CLASP1: variants seen among roughly 807,000 people sequenced by gnomAD.
CLASP1 encodes the protein cytoplasmic linker associated protein 1.
A neutral mutation model predicts 192.3 loss-of-function variants in CLASP1; 38 were observed. The ratio of observed to expected loss-of-function variants is 0.20; its 90% CI spans 0.15 to 0.26. The LOEUF is 0.26. Among genes scored for constraint, CLASP1 ranks in the 10% least tolerant of loss-of-function variants. The pLI, the probability that CLASP1 is intolerant of heterozygous loss-of-function variation, is 1.00. For missense variants in CLASP1, 1,433 were observed against 1,932.5 expected (o/e 0.74, Z 4.85); for synonymous variants, 691 against 712.8 (o/e 0.97, Z 0.49).
At chr2:121,508,409 CTATT>C (rs1227541065) in intron 7 of CLASP1, among the ~76,000 whole-genome samples, 2 of 152,144 alleles carry the variant, frequency 1.3e-5, no homozygotes, top group Non-Finnish European at 1.5e-5. Context: ...TAGAAAATAT[CTATT>C]TAACACAAAA....
At chr2:121,613,119 A>G (rs752123274) in intron 1 of CLASP1, among the ~76,000 whole-genome samples, 1 of 152,318 alleles carries the variant, frequency 6.6e-6, no homozygotes, top group South Asian at 2.1e-4. Context: ...AGGCTACTGA[A>G]CACACTAAAT....
chr2:121,429,316 C>T (rs1043423465), intron 20 of CLASP1, among the ~76,000 whole-genome samples: 2 of 152,162 alleles, frequency 1.3e-5, no homozygotes, highest in Non-Finnish European at 2.9e-5. Context: ...CATGCAGCTC[C>T]TGGGGACAGG....
At chr2:121,521,310 C>T (rs1330918259) in intron 6 of CLASP1, among the ~76,000 whole-genome samples, 1 of 152,142 alleles carries the variant, frequency 6.6e-6, no homozygotes, top group Non-Finnish European at 1.5e-5. Flanking sequence ...ATGGCACTCT[C>T]ACTGCTTACG....
intron 16 of CLASP1, 136 bp from the exon 17 acceptor site, chr2:121,449,256 G>A: frequency 1.5e-6 from 1 of 665,480 alleles, no homozygotes. Flanking sequence ...GGAGGAGAGG[G>A]TAAACAAAGG....
intron 34 of CLASP1, among the ~76,000 whole-genome samples, chr2:121,376,654 G>A (rs946494040): frequency 6.6e-6 from 1 of 152,202 alleles, no homozygotes; most frequent in South Asian, 2.1e-4. Context: ...GTATTGGTCT[G>A]TGGCCTGTTA....
In CLASP1 at chr2:121,647,457, T is replaced by A. The variant is rs2073379462; in HGVS notation, c.-286+1915A>T. The stretch of plus-strand genomic sequence containing the variant: ...ACAAACTTCATGTTCTTCTGGCCAA[T>A]CATTTCTCAACATCCCTGTCAAACT... On this transcript the variant is annotated intron_variant, in intron 1 of 39. Coordinates refer to ENST00000263710, the Ensembl canonical transcript of CLASP1. 2.6e-5 allele frequency among the ~76,000 whole-genome samples: 4 copies of A among 152,192 alleles called. No homozygotes were observed. In the South Asian group the frequency reaches 6.2e-4, roughly 24 times the overall value.
chr2:121,387,898 C>T, exon 31 of CLASP1: 1 of 1,609,652 alleles, frequency 6.2e-7, no homozygotes, highest in South Asian at 1.1e-5. Flanking sequence ...TTAGCACAAT[C>T]TGTGCTGCCT....
At chr2:121,504,012 C>T (rs1215707745) in intron 7 of CLASP1, 2 of 152,034 alleles carry the variant, frequency 1.3e-5, no homozygotes, top group Non-Finnish European at 2.9e-5. Context: ...AGGTGGATCG[C>T]CTGAGGTCAG....
At position 121,384,064 on chromosome 2, in the gene CLASP1, A is replaced by C. The variant is rs150537397; in HGVS notation, c.3375-1740T>G. Among the ~76,000 whole-genome samples the C allele has an allele frequency of 4.5e-3, 611 of 136,246 alleles. 26 individuals carry two copies. In the East Asian group the frequency reaches 0.092, roughly 21 times the overall value. The allele number at this position is 136,246 out of a possible 152,430, so 89.4% of individuals were successfully genotyped here. A position where few individuals can be genotyped will look rare whatever the true frequency, so the allele number is the denominator to read the frequency against. ...TGTATATATACACACATATATGTAT[A>C]TATACACACACACATATATATGTAT... is the stretch of plus-strand genomic sequence containing the variant. On this transcript the variant is annotated intron_variant, in intron 32 of 39. Transcript: ENST00000263710.
At chr2:121,567,142 C>T (rs2105363962) in intron 2 of CLASP1, among the ~76,000 whole-genome samples, 1 of 152,332 alleles carries the variant, frequency 6.6e-6, no homozygotes. Flanking sequence ...CCTAAAAGAG[C>T]TCTGCACAGG....
At chr2:121,554,822 T>C in intron 2 of CLASP1, among the ~76,000 whole-genome samples, 1 of 152,176 alleles carries the variant, frequency 6.6e-6, no homozygotes, top group African/African-American at 2.4e-5. Flanking sequence ...TCTGTAATTT[T>C]ACTAAAAATA....
At chr2:121,558,865 G>C (rs1281431492) in intron 2 of CLASP1, among the ~76,000 whole-genome samples, 4 of 152,204 alleles carry the variant, frequency 2.6e-5, no homozygotes, top group Non-Finnish European at 4.4e-5. Flanking sequence ...GAGCGAGCCA[G>C]ATTCTCTCAT....
chr2:121,514,210 GAA>G (rs1035863894), intron 7 of CLASP1, among the ~76,000 whole-genome samples: 6 of 152,334 alleles, frequency 3.9e-5, no homozygotes, highest in African/African-American at 1.4e-4. Context: ...TGTTAAGATG[GAA>G]ACTGTGTAAA....
chr2:121,469,808 C>T lies in CLASP1; in HGVS notation c.865G>A (p.Ala289Thr). Residue 289 changes from alanine (A) to threonine (T), a missense_variant and splice_region_variant, in exon 9 of 40, where the codon GCT (alanine) becomes ACT (threonine). Transcript: ENST00000263710. ...AACGCCACACAGGGCTTAGACTAAC[C>T]TGAAGACTTGGATCCAAGGGTGGAT... The T allele has an allele frequency of 2.5e-6, 4 of 1,611,076 alleles. No homozygotes were observed. Among genetic ancestry groups the T allele is most frequent in the Non-Finnish European group, 3.4e-6 (4 of 1,178,816 alleles).
intron 2 of CLASP1, among the ~76,000 whole-genome samples, chr2:121,531,845 C>T (rs902467253): frequency 2.7e-5 from 4 of 149,932 alleles, no homozygotes; most frequent in African/African-American, 7.5e-5. Flanking sequence ...TCCAGCCTGG[C>T]GACAGAGCAA....
At chr2:121,417,793 C>T (rs978186597) in intron 23 of CLASP1, among the ~76,000 whole-genome samples, 59 of 152,152 alleles carry the variant, frequency 3.9e-4, no homozygotes, top group African/African-American at 1.4e-3. Context: ...AATATTAAGA[C>T]CTTATGCTTT....
At chr2:121,402,463 T>C (rs1227159782) in intron 26 of CLASP1, 1 of 428,584 alleles carries the variant, frequency 2.3e-6, no homozygotes, top group Non-Finnish European at 4.6e-6. Context: ...GCCTCATTTC[T>C]AGCACAGCAA....
rs533957220 is a variant in CLASP1, at chr2:121,567,661, A to G, written c.196-37336T>C. Among the ~76,000 whole-genome samples the G allele has an allele frequency of 1.2e-4, 19 of 152,334 alleles. No homozygotes were observed. The East Asian group carries it at 3.5e-3, about 28-fold the overall frequency. Reference sequence around the variant, plus strand: ...CAGGGAATAGAATTTTTCTCCCTTTAACTCCCTGGCACATCTTATCTTCAC... The same window carrying G: ...CAGGGAATAGAATTTTTCTCCCTTTGACTCCCTGGCACATCTTATCTTCAC... On this transcript the variant is annotated intron_variant, in intron 2 of 39. Coordinates refer to ENST00000263710, the Ensembl canonical transcript of CLASP1.
chr2:121,501,638 T>C (rs1376909455), intron 8 of CLASP1, among the ~76,000 whole-genome samples: 1 of 152,236 alleles, frequency 6.6e-6, no homozygotes, highest in Non-Finnish European at 1.5e-5. Context: ...AAAGCATTTT[T>C]AGATCACTTT....
Sources: allele counts gnomAD v4.1 joint callset (sites outside exome capture counted in the v4.1 genomes callset), GRCh38; gene constraint gnomAD v4.1.1; transcripts MANE v1.5; gene names NCBI Gene and HGNC (gene_info 2026-07-23, HGNC 2026-07-21).